TUSC3: variants seen among roughly 807,000 people sequenced by gnomAD.
TUSC3 encodes the protein dolichyl-diphosphooligosaccharide--protein glycosyltransferase subunit TUSC3.
In TUSC3, 45 loss-of-function variants were observed where a neutral mutation model predicts 44.8. The observed-to-expected ratio is 1.00, with a 90% CI of 0.79 to 1.29. The LOEUF (loss-of-function observed/expected upper bound fraction) is 1.29, where lower values mean the gene tolerates loss of function less well. Among genes scored for constraint, TUSC3 ranks in the 50% most tolerant of loss-of-function variants. TUSC3 has a pLI of 0.00. For missense variants in TUSC3, 519 were observed against 437.9 expected (o/e 1.19, Z -1.65); for synonymous variants, 212 against 152.9 (o/e 1.39, Z -2.85).
intron 9 of TUSC3, among the ~76,000 whole-genome samples, chr8:15,749,147 A>G (rs1480958707): frequency 6.6e-6 from 1 of 151,992 alleles, no homozygotes; most frequent in African/African-American, 2.4e-5. Context: ...TTCTTTCTCT[A>G]AGGAGTCCTT....
At chr8:15,849,688 G>A in the TUSC3 span, among the ~76,000 whole-genome samples, 1 of 152,072 alleles carries the variant, frequency 6.6e-6, no homozygotes, top group Non-Finnish European at 1.5e-5. Context: ...AATAAAGCTG[G>A]CTGTGATGAA....
At chr8:15,732,676 A>G (rs1477770759) in intron 7 of TUSC3, among the ~76,000 whole-genome samples, 1 of 152,232 alleles carries the variant, frequency 6.6e-6, no homozygotes, top group African/African-American at 2.4e-5. Context: ...GTTAAATTGT[A>G]TAACTTATAA....
intron 10 of TUSC3, among the ~76,000 whole-genome samples, chr8:15,759,926 G>A (rs1361027825): frequency 6.6e-6 from 1 of 152,010 alleles, no homozygotes; most frequent in Non-Finnish European, 1.5e-5. Context: ...AAGTCATTTT[G>A]TCCTCATCCT....
chr8:15,551,294 G>T (rs1348897620), intron 1 of TUSC3, among the ~76,000 whole-genome samples: 2 of 151,696 alleles, frequency 1.3e-5, no homozygotes, highest in African/African-American at 2.4e-5. Flanking sequence ...AGATTTTTAA[G>T]ATTATATAAA....
chr8:15,846,015 G>A, the TUSC3 span, among the ~76,000 whole-genome samples: 11 of 152,040 alleles, frequency 7.2e-5, no homozygotes, highest in South Asian at 4.1e-4. Context: ...AAGCAAAAGC[G>A]GAAATCTCAG....
chr8:15,586,554 G>A (rs1366954714), intron 1 of TUSC3, among the ~76,000 whole-genome samples: 1 of 152,128 alleles, frequency 6.6e-6, no homozygotes, highest in Non-Finnish European at 1.5e-5. Flanking sequence ...CTCAGGCCCA[G>A]CCAGGACACA....
chr8:15,471,921 A>G (rs961057407), intron 1 of TUSC3, among the ~76,000 whole-genome samples: 1 of 152,250 alleles, frequency 6.6e-6, no homozygotes, highest in African/African-American at 2.4e-5. Context: ...CCTGGCCCCC[A>G]GTTCTAATGA....
intron 6 of TUSC3, among the ~76,000 whole-genome samples, chr8:15,729,445 C>G (rs1406778927): frequency 6.6e-6 from 1 of 152,054 alleles, no homozygotes; most frequent in Non-Finnish European, 1.5e-5. Flanking sequence ...TGGAAGATGA[C>G]AGGTAATAAC....
chr8:15,513,804 C>A (rs1260208113), intron 2 of TUSC3, among the ~76,000 whole-genome samples: 2 of 152,174 alleles, frequency 1.3e-5, no homozygotes, highest in African/African-American at 4.8e-5. Context: ...GAGCCAACTG[C>A]ACTTATATCT....
At chr8:15,812,437 C>A in the TUSC3 span, among the ~76,000 whole-genome samples, 2 of 151,094 alleles carry the variant, frequency 1.3e-5, no homozygotes, top group African/African-American at 4.9e-5. Flanking sequence ...TATCTATTTT[C>A]CTGTGAAGGA....
chr8:15,839,622 C>A, the TUSC3 span, among the ~76,000 whole-genome samples: 1 of 152,148 alleles, frequency 6.6e-6, no homozygotes, highest in Admixed American at 6.5e-5. Context: ...AGATACATGA[C>A]AAAATGCTCA....
intron 1 of TUSC3, among the ~76,000 whole-genome samples, chr8:15,450,477 A>G (rs988997841): frequency 6.6e-6 from 1 of 152,150 alleles, no homozygotes; most frequent in African/African-American, 2.4e-5. Flanking sequence ...CAAGGTCAGG[A>G]GTTCAAGCCC....
chr8:15,806,546 C>T, the TUSC3 span: 17 of 1,431,732 alleles, frequency 1.2e-5, no homozygotes, highest in African/African-American at 2.2e-4. Context: ...TACAAAATCA[C>T]AGAGCTCTTC....
At chr8:15,537,625 G>A (rs1195489964), upstream of TUSC3, among the ~76,000 whole-genome samples, 5 of 152,182 alleles carry the variant, frequency 3.3e-5, no homozygotes. Context: ...ATGGGAGACA[G>A]AAAACAAATC....
At chr8:15,530,794 C>T (rs745472887) in intron 2 of TUSC3, among the ~76,000 whole-genome samples, 1 of 152,166 alleles carries the variant, frequency 6.6e-6, no homozygotes, top group Non-Finnish European at 1.5e-5. Context: ...TGTTTTATTT[C>T]ATCCTCACAA....
rs564955728 is a variant in TUSC3, at chr8:15,626,570, C to T, written c.308+3321C>T. Among the ~76,000 whole-genome samples the T allele has an allele frequency of 2.4e-4, 37 of 152,310 alleles. No homozygotes were observed. The South Asian group carries it at 6.4e-3, about 26-fold the overall frequency. On this transcript the variant is annotated intron_variant, in intron 2 of 10. Coordinates refer to ENST00000503731, the MANE Select transcript of TUSC3 (RefSeq NM_006765.4). ...GGGCGCAGCTGCAACTGTCCACCTG[C>T]GACTGCGGACTCAGGCATCTCTCTG... is the stretch of plus-strand genomic sequence containing the variant.
chr8:15,438,038 C>G (rs1799972708), intron 1 of TUSC3, among the ~76,000 whole-genome samples: 1 of 152,170 alleles, frequency 6.6e-6, no homozygotes, highest in African/African-American at 2.4e-5. Context: ...TTCTGAATAT[C>G]AGTTTCCTCA....
chr8:15,534,462 T>C (rs890084957), intron 2 of TUSC3, among the ~76,000 whole-genome samples: 1 of 151,760 alleles, frequency 6.6e-6, no homozygotes, highest in Non-Finnish European at 1.5e-5. Context: ...ACTAACACGG[T>C]GAAACCCCGT....
At chr8:15,683,310 T>C (rs917245699) in intron 6 of TUSC3, among the ~76,000 whole-genome samples, 3 of 152,216 alleles carry the variant, frequency 2.0e-5, no homozygotes, top group African/African-American at 4.8e-5. Flanking sequence ...TTACACAATC[T>C]CTTATTTCTC....
Sources: allele counts gnomAD v4.1 joint callset (sites outside exome capture counted in the v4.1 genomes callset), GRCh38; gene constraint gnomAD v4.1.1; transcripts MANE v1.5; gene names NCBI Gene and HGNC (gene_info 2026-07-23, HGNC 2026-07-21).